The following LGSN variants were observed in gnomAD, a reference collection of about 807,000 sequenced individuals.
LGSN encodes the protein lengsin, lens protein with glutamine synthetase domain, also known as lengsin.
In LGSN, 21 loss-of-function variants were observed where a neutral mutation model predicts 19.5. The ratio of observed to expected loss-of-function variants is 1.07; its 90% confidence interval spans 0.76 to 1.55. The LOEUF is 1.55. LGSN is among the 40% of genes most tolerant of loss of function. The probability of loss-of-function intolerance (pLI) is 0.00; values close to 1 mark genes in which losing one functional copy is unlikely to be tolerated. For missense variants in LGSN, 673 were observed against 608.5 expected, an observed-to-expected ratio of 1.11 and a Z score of -1.12; for synonymous variants, 257 against 215.6, an observed-to-expected ratio of 1.19 and a Z score of -1.68.
chr6:63,559,292 G>A, the LGSN span, among the ~76,000 whole-genome samples: 283 of 152,264 alleles, frequency 1.9e-3, 1 homozygote, highest in African/African-American at 6.5e-3. Flanking sequence ...AAACAGCAAG[G>A]ACTTAAGTGG....
At chr6:63,320,002 C>T, upstream of LGSN, 1 of 1,272,174 alleles carries the variant, frequency 7.9e-7, no homozygotes, top group Non-Finnish European at 1.2e-6. Context: ...ATGCATTCAA[C>T]ATGTATTTAT....
chr6:63,284,091 ATTAT>A lies in LGSN; in HGVS notation c.330+1492_330+1495del, dbSNP rs376601770. The stretch of plus-strand genomic sequence containing the variant: ...ACAAATATTAATTGTGCTAATACTC[ATTAT>A]TTATACCTTCACAAGTTTCAAAAAT... On this transcript the variant is annotated intron_variant, in intron 3 of 3. Transcript: ENST00000370657. Among the ~76,000 whole-genome samples the A allele has an allele frequency of 4.2e-3, 638 of 152,308 alleles. 1 individual carries two copies. The highest frequency in any genetic ancestry group is 7.1e-3 in the Non-Finnish European group (484 of 68,032).
At chr6:63,542,023 GT>G in the LGSN span, among the ~76,000 whole-genome samples, 15 of 414 alleles carry the variant, frequency 0.036, no homozygotes, top group Non-Finnish European at 0.066. Flanking sequence ...AGAAACTGTG[GT>G]GTGTGTGTGT....
At chr6:63,503,683 G>A in the LGSN span, among the ~76,000 whole-genome samples, 1 of 152,216 alleles carries the variant, frequency 6.6e-6, no homozygotes, top group East Asian at 1.9e-4. Context: ...GGGAGGGCGA[G>A]GCTGGTGGAT....
chr6:63,426,878 T>G, the LGSN span, among the ~76,000 whole-genome samples: 3 of 152,154 alleles, frequency 2.0e-5, no homozygotes, highest in Non-Finnish European at 2.9e-5. Context: ...TTTCTTGACA[T>G]TCTGAATGAC....
the LGSN span, among the ~76,000 whole-genome samples, chr6:63,494,932 G>A: frequency 1.3e-5 from 2 of 152,102 alleles, no homozygotes; most frequent in African/African-American, 4.8e-5. Flanking sequence ...AATATTTTCA[G>A]TGTTAATTCC....
chr6:63,505,169 G>A, the LGSN span, among the ~76,000 whole-genome samples: 1 of 105,022 alleles, frequency 9.5e-6, no homozygotes, highest in Non-Finnish European at 1.8e-5. Flanking sequence ...TTAGTAACTT[G>A]CTTTTTTTTT....
At chr6:63,411,433 T>G in the LGSN span, among the ~76,000 whole-genome samples, 1 of 152,220 alleles carries the variant, frequency 6.6e-6, no homozygotes, top group Non-Finnish European at 1.5e-5. Flanking sequence ...ATTACTGAAT[T>G]TTAAGATCTG....
the LGSN span, among the ~76,000 whole-genome samples, chr6:63,560,944 T>C: frequency 6.6e-6 from 1 of 152,210 alleles, no homozygotes; most frequent in Non-Finnish European, 1.5e-5. Context: ...AAGTATTGCA[T>C]AATCATATTT....
chr6:63,497,547 C>T, the LGSN span, among the ~76,000 whole-genome samples: 41 of 151,952 alleles, frequency 2.7e-4, no homozygotes, highest in African/African-American at 9.7e-4. Flanking sequence ...AGCGAGACTC[C>T]GTCTCACATA....
chr6:63,427,101 A>G, the LGSN span, among the ~76,000 whole-genome samples: 7 of 150,256 alleles, frequency 4.7e-5, no homozygotes, highest in Non-Finnish European at 1.0e-4. Flanking sequence ...CCAGGAGTAC[A>G]ATGGCGCAAT....
the LGSN span, among the ~76,000 whole-genome samples, chr6:63,469,423 T>C: frequency 6.6e-6 from 1 of 152,208 alleles, no homozygotes; most frequent in African/African-American, 2.4e-5. Flanking sequence ...GCATCACCAT[T>C]AAAAATTAAA....
chr6:63,506,365 G>A, the LGSN span, among the ~76,000 whole-genome samples: 1 of 152,064 alleles, frequency 6.6e-6, no homozygotes, highest in African/African-American at 2.4e-5. Context: ...CCAGGTTCAA[G>A]TGATTCTCCT....
intron 2 of LGSN, among the ~76,000 whole-genome samples, chr6:63,288,490 A>G (rs1767635630): frequency 6.6e-6 from 1 of 151,870 alleles, no homozygotes; most frequent in Admixed American, 6.6e-5. Flanking sequence ...AATCACCTGA[A>G]GTATTAATTG....
chr6:63,471,252 A>C, the LGSN span, among the ~76,000 whole-genome samples: 1 of 149,458 alleles, frequency 6.7e-6, no homozygotes, highest in Non-Finnish European at 1.5e-5. Flanking sequence ...TGCTGAGATT[A>C]CAGGCATGAG....
the LGSN span, among the ~76,000 whole-genome samples, chr6:63,409,548 A>ACCTTATTTTAAATTTCAGCT: frequency 1.3e-5 from 2 of 152,162 alleles, no homozygotes; most frequent in South Asian, 4.1e-4. Context: ...GGGTCAGATG[A>ACCTTATTTTAAATTTCAGCT]CCTTATTTTA....
the LGSN span, among the ~76,000 whole-genome samples, chr6:63,538,615 A>T: frequency 6.6e-6 from 1 of 152,220 alleles, no homozygotes; most frequent in Non-Finnish European, 1.5e-5. Flanking sequence ...GCATGCAAAA[A>T]GAAAAAAAGA....
chr6:63,354,560 C>T, the LGSN span, among the ~76,000 whole-genome samples: 1 of 152,104 alleles, frequency 6.6e-6, no homozygotes, highest in Non-Finnish European at 1.5e-5. Flanking sequence ...TAAATTAGTA[C>T]AGCCACTATG....
the LGSN span, among the ~76,000 whole-genome samples, chr6:63,398,798 C>T: frequency 6.6e-6 from 1 of 152,088 alleles, no homozygotes; most frequent in Non-Finnish European, 1.5e-5. Context: ...TTGCAAGCTC[C>T]ATTCATAGTA....
Sources: gnomAD v4.1 joint callset for allele counts (sites outside exome capture counted in the v4.1 genomes callset) on GRCh38, gnomAD v4.1.1 for gene constraint, MANE v1.5 for transcripts, NCBI Gene and HGNC (gene_info 2026-07-23, HGNC 2026-07-21) for gene names.